The following ANKAR variants were observed in gnomAD, a reference collection of about 807,000 sequenced individuals.
The protein encoded by ANKAR is ankyrin and armadillo repeat-containing protein.
In ANKAR, 136 loss-of-function variants were observed where a neutral mutation model predicts 146.2. That is an observed-to-expected ratio of 0.93 (90% CI 0.81 to 1.07). The LOEUF (loss-of-function observed/expected upper bound fraction) is 1.07. ANKAR is among the 50% of genes least tolerant of loss of function. The pLI, the probability that ANKAR is intolerant of heterozygous loss-of-function variation, is 0.00. For missense variants in ANKAR, 1,567 were observed against 1,679.9 expected (o/e 0.93, Z 1.18); for synonymous variants, 500 against 575.8 (o/e 0.87, Z 1.88).
chr2:189,694,854 C>T lies in ANKAR; in HGVS notation c.1308-127C>T, dbSNP rs2105558380. On this transcript the variant is annotated intron_variant, in intron 5 of 22. Transcript: ENST00000684021. Reference sequence around the variant, plus strand: ...ATCTTATTAATATACTTACAGTTGACTACAATTTAAACTACCATTTTGTAT... The same window carrying T: ...ATCTTATTAATATACTTACAGTTGATTACAATTTAAACTACCATTTTGTAT... 4 of 549,632 alleles carry T rather than the reference C, an allele frequency of 7.3e-6. No homozygotes were observed. The South Asian group carries it at 1.9e-4, about 26-fold the overall frequency. 34.0% of individuals were successfully genotyped at this position (549,632 alleles called of 1,614,324 possible). A position where few individuals can be genotyped will look rare whatever the true frequency, so the allele number is the denominator to read the frequency against.
intron 22 of ANKAR, among the ~76,000 whole-genome samples, chr2:189,745,285 C>T (rs544597655): frequency 1.3e-5 from 2 of 152,140 alleles, no homozygotes; most frequent in East Asian, 3.9e-4. Flanking sequence ...TAATTACAAG[C>T]CCATATTGAT....
At chr2:189,706,901 C>G in intron 8 of ANKAR, 37 bp from the exon 9 acceptor site, 1 of 1,536,074 alleles carries the variant, frequency 6.5e-7, no homozygotes, top group South Asian at 1.2e-5. Context: ...ATTTGACACT[C>G]TATGCGTGTT....
intron 10 of ANKAR, among the ~76,000 whole-genome samples, chr2:189,718,536 G>A (rs1452191171): frequency 1.3e-5 from 2 of 152,126 alleles, no homozygotes; most frequent in East Asian, 3.8e-4. Flanking sequence ...ATATGTTCCT[G>A]AAAACCTGTA....
chr2:189,754,614 A>G (rs1364515355), intron 18 of ANKAR: 1 of 413,652 alleles, frequency 2.4e-6, no homozygotes, highest in African/African-American at 2.1e-5. Context: ...AGTTGACAAT[A>G]ACTGCTTAAT....
intron 3 of ANKAR, among the ~76,000 whole-genome samples, chr2:189,690,576 ATTTTCAT>A: frequency 6.6e-6 from 1 of 152,268 alleles, no homozygotes; most frequent in East Asian, 1.9e-4. Flanking sequence ...CAATTTATAC[ATTTTCAT>A]TGCTTTCCAA....
intron 2 of ANKAR, among the ~76,000 whole-genome samples, chr2:189,689,129 C>T (rs1017638752): frequency 6.6e-6 from 1 of 152,192 alleles, no homozygotes; most frequent in East Asian, 1.9e-4. Context: ...CATTGCCTGG[C>T]ATGGCCCTAG....
At chr2:189,704,805 TG>T (rs2038698161) in intron 7 of ANKAR, among the ~76,000 whole-genome samples, 1 of 151,618 alleles carries the variant, frequency 6.6e-6, no homozygotes, top group African/African-American at 2.4e-5. Context: ...TAAAAATTTT[TG>T]TTTTTTGTTT....
intron 2 of ANKAR, among the ~76,000 whole-genome samples, chr2:189,687,132 C>A (rs932509744): frequency 1.3e-5 from 2 of 152,100 alleles, no homozygotes; most frequent in African/African-American, 2.4e-5. Flanking sequence ...CCATTCCCTG[C>A]CACCTTTCCC....
Position 189,744,753 on chromosome 2 carries a change from A to G in ANKAR, c.4022A>G (p.Asn1341Ser), listed in dbSNP as rs761108436. 6.9e-6 allele frequency: 11 copies of G among 1,595,834 alleles called. No individual in the cohort carries two copies. In the South Asian group the frequency reaches 1.1e-4, roughly 16 times the overall value. Residue 1341 changes from asparagine to serine, a missense_variant, in exon 22 of 23, where the codon AAT (asparagine) becomes AGT (serine). Transcript: ENST00000684021. ...TGTTTTCCTTTTAGTCTGGAGAAGAATGGAGGACCATCCATAATTCCTATC... is the reference window on the plus strand; with the variant it reads ...TGTTTTCCTTTTAGTCTGGAGAAGAGTGGAGGACCATCCATAATTCCTATC... ...VGLPSLSLEK[N>S]GGPSIIPIFK...
chr2:189,741,004 T>C (rs1399186250), intron 19 of ANKAR, among the ~76,000 whole-genome samples: 5 of 152,230 alleles, frequency 3.3e-5, no homozygotes, highest in African/African-American at 7.2e-5. Flanking sequence ...TAAATTTTCT[T>C]ATGATAATTA....
Position 189,741,375 on chromosome 2 carries a change from C to T in ANKAR, c.3734C>T (p.Ala1245Val), listed in dbSNP as rs188904745. ...ATAGCAAGCCTGGCTCATTCTAGAG[C>T]TGGTATCCCAGAAGCATTTACCACA... ...NLIASLAHSR[A>V]GIPEAFTTLG... Residue 1245 changes from alanine to valine, a missense_variant, in exon 20 of 23, where the codon GCT becomes GTT. Transcript: ENST00000684021. 71 of 1,609,288 alleles carry T rather than the reference C, an allele frequency of 4.4e-5. No homozygotes were observed. The East Asian group carries it at 1.5e-3, about 34-fold the overall frequency.
Position 189,676,996 on chromosome 2 carries a change from C to G in ANKAR, c.506C>G (p.Ala169Gly). ...ATATATATGCCCAAAGAAAAACGAG[C>G]TAGATTCTCTGAATTGTGGCGTGCC... ...HGIYMPKEKR[A>G]RFSELWRAIM... The change falls in exon 2 of 23, where the codon GCT (alanine) becomes GGT (glycine). Residue 169 changes from alanine (A) to glycine (G), a missense_variant. By Grantham distance (60) the Ala-to-Gly change is moderately conservative. Transcript: ENST00000684021. The G allele has an allele frequency of 1.2e-6, 2 of 1,613,470 alleles. No homozygotes were observed. Among genetic ancestry groups the G allele is most frequent in the Non-Finnish European group, 1.7e-6 (2 of 1,179,968 alleles).
rs949254439 is a variant in ANKAR at position 189,728,318 on chromosome 2, G to A, written c.2929G>A (p.Ala977Thr). The A allele has an allele frequency of 6.2e-7, 1 of 1,613,146 alleles. No individual in the cohort carries two copies. The highest frequency in any genetic ancestry group is 1.3e-5 in the African/African-American group (1 of 75,008). ...AGGAGCTGTTGCACTTTGGGCCTTG[G>A]CAGGACAAACACTAAAACAACAAAA... is the stretch of plus-strand genomic sequence containing the variant. The part of the protein sequence containing the change: ...EQGAVALWAL[A>T]GQTLKQQKYM... The change falls in exon 14 of 23, where the codon GCA (alanine) becomes ACA (threonine). Residue 977 changes from alanine (A) to threonine (T), a missense_variant. Transcript: ENST00000684021.
At chr2:189,691,921 C>T (rs1376647123) in intron 3 of ANKAR, among the ~76,000 whole-genome samples, 3 of 151,840 alleles carry the variant, frequency 2.0e-5, no homozygotes, top group Admixed American at 1.3e-4. Context: ...GCCACCACAT[C>T]CAGCTAGTTT....
intron 12 of ANKAR, among the ~76,000 whole-genome samples, chr2:189,724,423 C>T (rs1174958347): frequency 6.6e-6 from 1 of 152,162 alleles, no homozygotes; most frequent in East Asian, 1.9e-4. Context: ...CTTCCTGTCA[C>T]TCCCTTTTTC....
intron 21 of ANKAR, 48 bp from the exon 22 acceptor site, chr2:189,744,694 T>G: frequency 7.3e-7 from 1 of 1,366,602 alleles, no homozygotes; most frequent in Non-Finnish European, 1.0e-6. Context: ...TTTTTCTGGG[T>G]GCATTATGTC....
Position 189,746,453 on chromosome 2 carries a change from T to A in ANKAR, c.4131T>A (p.Thr1377=), listed in dbSNP as rs1276430118. ...CTTTGACTTTATTACCTCCTGTAAC[T>A]AACTTCATGGGACTCTTCAAAGCAA... is the stretch of plus-strand genomic sequence containing the variant. ...KDSLTLLPPV[T]NFMGLFKATK... is the part of the protein sequence containing the mutation. The change falls in exon 23 of 23, where the codon ACT becomes ACA. Residue 1377 remains threonine (T), a synonymous_variant. Transcript: ENST00000684021. 2.0e-5 allele frequency: 33 copies of A among 1,613,032 alleles called. No homozygotes were observed. The highest frequency in any genetic ancestry group is 2.8e-5 in the Non-Finnish European group (33 of 1,179,750).
chr2:189,690,891 T>C (rs1304699029), intron 3 of ANKAR, among the ~76,000 whole-genome samples: 1 of 152,188 alleles, frequency 6.6e-6, no homozygotes, highest in African/African-American at 2.4e-5. Flanking sequence ...CTAACGTTAA[T>C]AGTTAATTCT....
chr2:189,729,018 T>C (rs1412183726), intron 15 of ANKAR, among the ~76,000 whole-genome samples, 197 bp downstream of exon 15: 1 of 152,224 alleles, frequency 6.6e-6, no homozygotes, highest in Non-Finnish European at 1.5e-5. Flanking sequence ...TTAAGAATCT[T>C]ATATCAGTCT....
Sources: allele counts gnomAD v4.1 joint callset (sites outside exome capture counted in the v4.1 genomes callset), GRCh38; gene constraint gnomAD v4.1.1; transcripts MANE v1.5; gene names NCBI Gene and HGNC (gene_info 2026-07-23, HGNC 2026-07-21).